The following SLC24A2 variants were observed in gnomAD, a reference collection of about 807,000 sequenced individuals.
SLC24A2 encodes the protein solute carrier family 24 member 2.
Under a neutral mutation model 62.0 loss-of-function variants are expected in SLC24A2, and 36 were observed. The ratio of observed to expected loss-of-function variants is 0.58; its 90% CI spans 0.44 to 0.77. The LOEUF (loss-of-function observed/expected upper bound fraction) is 0.77. SLC24A2 is among the 30% of genes least tolerant of loss of function. The pLI, the probability that SLC24A2 is intolerant of heterozygous loss-of-function variation, is 0.00. For missense variants in SLC24A2, 846 were observed against 817.9 expected, an observed-to-expected ratio of 1.03 and a Z score of -0.42; for synonymous variants, 358 against 294.0, an observed-to-expected ratio of 1.22 and a Z score of -2.23.
At chr9:19,926,555 A>G in the SLC24A2 span, 1 of 152,182 alleles carries the variant, frequency 6.6e-6, no homozygotes, top group South Asian at 2.1e-4. Flanking sequence ...AGCTTGGGAC[A>G]TTGCTGTTTA....
intron 2 of SLC24A2, among the ~76,000 whole-genome samples, chr9:19,752,962 C>A (rs1822029562): frequency 6.6e-6 from 1 of 152,148 alleles, no homozygotes; most frequent in African/African-American, 2.4e-5. Flanking sequence ...GATTAGCAGA[C>A]AAAATGAGGA....
At chr9:20,290,844 A>G in the SLC24A2 span, among the ~76,000 whole-genome samples, 5 of 152,224 alleles carry the variant, frequency 3.3e-5, no homozygotes, top group African/African-American at 1.2e-4. Flanking sequence ...CTCAGAGGCC[A>G]TTGCAACCTT....
the SLC24A2 span, among the ~76,000 whole-genome samples, chr9:19,933,685 A>T: frequency 6.6e-6 from 1 of 152,254 alleles, no homozygotes; most frequent in Non-Finnish European, 1.5e-5. Flanking sequence ...TCGTAGCAGC[A>T]TTACTTATAA....
At chr9:20,270,328 C>A in the SLC24A2 span, among the ~76,000 whole-genome samples, 1 of 152,076 alleles carries the variant, frequency 6.6e-6, no homozygotes, top group Non-Finnish European at 1.5e-5. Flanking sequence ...AAGGAGATGT[C>A]TAGGCTATAT....
the SLC24A2 span, among the ~76,000 whole-genome samples, chr9:20,179,678 T>G: frequency 3.5e-4 from 53 of 152,234 alleles, no homozygotes; most frequent in African/African-American, 1.1e-3. Flanking sequence ...AGTGAATAGA[T>G]TGAGACTGAG....
At chr9:19,791,511 A>C (rs1823320227), upstream of SLC24A2, among the ~76,000 whole-genome samples, 1 of 152,242 alleles carries the variant, frequency 6.6e-6, no homozygotes, top group Admixed American at 6.5e-5. Context: ...AAAGCATCTC[A>C]ATGAGATCCA....
rs565870398 is a variant in SLC24A2, at chr9:19,523,451, G to GT, written c.1570-2392dup. Among the ~76,000 whole-genome samples the GT allele has an allele frequency of 3.1e-3, 467 of 150,146 alleles. 2 individuals are homozygous for GT. Among genetic ancestry groups the GT allele is most frequent in the African/African-American group, 8.2e-3 (337 of 40,968 alleles). On this transcript the variant is annotated intron_variant, in intron 9 of 10. Coordinates refer to ENST00000341998, the MANE Select transcript of SLC24A2 (RefSeq NM_020344.4). ...AAAGCAAATGTTAAATAAAAATCTA[G>GT]TTTTTTTTTTAACTTAATATGTTTT...
At chr9:20,169,146 G>C in the SLC24A2 span, among the ~76,000 whole-genome samples, 1 of 152,002 alleles carries the variant, frequency 6.6e-6, no homozygotes, top group African/African-American at 2.4e-5. Context: ...ATGTAGAATA[G>C]GCAAATTCAT....
At chr9:19,756,584 C>T (rs984790277) in intron 2 of SLC24A2, among the ~76,000 whole-genome samples, 2 of 152,184 alleles carry the variant, frequency 1.3e-5, no homozygotes, top group Admixed American at 6.5e-5. Flanking sequence ...CCAGGCCCAG[C>T]ATGGCCCAGC....
At chr9:19,593,812 G>A (rs1192738575) in intron 5 of SLC24A2, among the ~76,000 whole-genome samples, 1 of 152,108 alleles carries the variant, frequency 6.6e-6, no homozygotes, top group African/African-American at 2.4e-5. Context: ...TATCACCTCT[G>A]AGTCCCAGAA....
the SLC24A2 span, among the ~76,000 whole-genome samples, chr9:20,125,012 C>T: frequency 4.6e-5 from 7 of 152,142 alleles, no homozygotes; most frequent in Non-Finnish European, 1.0e-4. Flanking sequence ...CACTAACAGG[C>T]AACTACCTTA....
At chr9:19,875,436 C>T in the SLC24A2 span, among the ~76,000 whole-genome samples, 6 of 152,192 alleles carry the variant, frequency 3.9e-5, no homozygotes, top group Admixed American at 1.3e-4. Context: ...AAAAGCATAC[C>T]GATGAGGACA....
chr9:19,777,685 T>C (rs1822884731), intron 2 of SLC24A2, among the ~76,000 whole-genome samples: 1 of 152,172 alleles, frequency 6.6e-6, no homozygotes, highest in African/African-American at 2.4e-5. Flanking sequence ...TCCTATTTAT[T>C]TAAATACATA....
the SLC24A2 span, among the ~76,000 whole-genome samples, chr9:20,164,797 T>C: frequency 5.3e-5 from 8 of 151,402 alleles, no homozygotes; most frequent in South Asian, 4.2e-4. Flanking sequence ...TGGAATACTA[T>C]GCAGCCATAA....
intron 2 of SLC24A2, among the ~76,000 whole-genome samples, chr9:19,686,669 T>C (rs770839501): frequency 1.6e-4 from 24 of 152,128 alleles, no homozygotes; most frequent in Non-Finnish European, 2.5e-4. Context: ...CCTGCCGTCA[T>C]GTGAAGAAGG....
At chr9:19,555,149 T>TAATC (rs1015385306) in intron 7 of SLC24A2, among the ~76,000 whole-genome samples, 11 of 152,026 alleles carry the variant, frequency 7.2e-5, no homozygotes, top group African/African-American at 2.7e-4. Flanking sequence ...CTCACAGGGA[T>TAATC]AATCAAAAGG....
the SLC24A2 span, among the ~76,000 whole-genome samples, chr9:19,984,327 T>A: frequency 6.6e-6 from 1 of 152,172 alleles, no homozygotes; most frequent in African/African-American, 2.4e-5. Context: ...TCACACTTCC[T>A]GATTTCAAAG....
the SLC24A2 span, among the ~76,000 whole-genome samples, chr9:20,147,412 T>C: frequency 6.6e-6 from 1 of 152,146 alleles, no homozygotes; most frequent in Admixed American, 6.6e-5. Flanking sequence ...CAAAAATAAA[T>C]GGGCAACATA....
the SLC24A2 span, among the ~76,000 whole-genome samples, chr9:20,094,757 C>G: frequency 6.6e-6 from 1 of 152,034 alleles, no homozygotes; most frequent in Non-Finnish European, 1.5e-5. Flanking sequence ...TTTGGAAGAT[C>G]TTAATTATTC....
Sources: gnomAD v4.1 joint callset for allele counts (sites outside exome capture counted in the v4.1 genomes callset) on GRCh38, gnomAD v4.1.1 for gene constraint, MANE v1.5 for transcripts, NCBI Gene and HGNC (gene_info 2026-07-23, HGNC 2026-07-21) for gene names.